The following PTPRG variants were observed in gnomAD, a reference collection of about 807,000 sequenced individuals.
PTPRG encodes the protein receptor-type tyrosine-protein phosphatase gamma.
In PTPRG, 102 loss-of-function variants were observed where a neutral mutation model predicts 165.3. That is an observed-to-expected ratio of 0.62 (90% CI 0.53 to 0.73). The LOEUF (loss-of-function observed/expected upper bound fraction) is 0.73, where lower values mean the gene tolerates loss of function less well. Among genes scored for constraint, PTPRG ranks in the 30% least tolerant of loss-of-function variants. The pLI, the probability that PTPRG is intolerant of heterozygous loss-of-function variation, is 0.00. For missense variants in PTPRG, 1,866 were observed against 1,861.4 expected (o/e 1.00, Z -0.05); for synonymous variants, 675 against 669.5 (o/e 1.01, Z -0.13).
At chr3:61,947,715 A>G (rs1250832987) in intron 2 of PTPRG, among the ~76,000 whole-genome samples, 2 of 152,190 alleles carry the variant, frequency 1.3e-5, no homozygotes, top group Admixed American at 1.3e-4. Context: ...GGCCCCTGGC[A>G]TTACTGGGCT....
At chr3:61,630,901 C>T (rs910714349) in intron 1 of PTPRG, among the ~76,000 whole-genome samples, 2 of 151,728 alleles carry the variant, frequency 1.3e-5, no homozygotes, top group African/African-American at 4.8e-5. Context: ...ACTAAAAATA[C>T]AAAAATTAGC....
At chr3:62,005,777 A>G (rs1054501204) in intron 4 of PTPRG, among the ~76,000 whole-genome samples, 5 of 127,012 alleles carry the variant, frequency 3.9e-5, no homozygotes, top group African/African-American at 1.5e-4. Context: ...ATATCAGCTC[A>G]CTGCAATCTC....
intron 26 of PTPRG, among the ~76,000 whole-genome samples, chr3:62,278,858 G>C (rs898810815): frequency 7.2e-5 from 11 of 152,028 alleles, no homozygotes; most frequent in Non-Finnish European, 4.4e-5. Context: ...TTGTTAAAAC[G>C]TTCATTTGTT....
intron 10 of PTPRG, among the ~76,000 whole-genome samples, chr3:62,199,525 A>G (rs1700047443): frequency 6.6e-6 from 1 of 152,188 alleles, no homozygotes; most frequent in Non-Finnish European, 1.5e-5. Context: ...TAAGCAAGAG[A>G]TTGAGAGCTT....
At chr3:62,253,894 T>C (rs1017031274) in intron 15 of PTPRG, among the ~76,000 whole-genome samples, 1 of 152,222 alleles carries the variant, frequency 6.6e-6, no homozygotes, top group African/African-American at 2.4e-5. Context: ...AACATTTCTA[T>C]GCTAAGCAAC....
At chr3:61,618,132 A>G (rs1426993765) in intron 1 of PTPRG, among the ~76,000 whole-genome samples, 2 of 152,218 alleles carry the variant, frequency 1.3e-5, no homozygotes, top group Non-Finnish European at 2.9e-5. Flanking sequence ...TTTTTTATGC[A>G]GAGTAAAGAT....
In PTPRG at chr3:62,073,484, A is replaced by AT. The variant is rs999167590; in HGVS notation, c.520-4667dup. The stretch of plus-strand genomic sequence containing the variant: ...GATATGATGCACGGAGAAGATATAA[A>AT]TTTTTTTTTTTTGAGACTGAGTCTC... On this transcript the variant is annotated intron_variant, in intron 4 of 29. Coordinates refer to ENST00000474889, the MANE Select transcript of PTPRG (RefSeq NM_002841.4). Among the ~76,000 whole-genome samples, 403 of 148,228 alleles carry AT rather than the reference A, an allele frequency of 2.7e-3. 2 individuals carry two copies. The highest frequency in any genetic ancestry group is 8.5e-3 in the African/African-American group (345 of 40,680).
At chr3:61,782,637 G>A (rs1320289085) in intron 2 of PTPRG, among the ~76,000 whole-genome samples, 1 of 152,230 alleles carries the variant, frequency 6.6e-6, no homozygotes, top group Admixed American at 6.5e-5. Flanking sequence ...GAGGCAGAGT[G>A]CTCTGATGAA....
intron 1 of PTPRG, among the ~76,000 whole-genome samples, chr3:61,579,460 C>A (rs1213172005): frequency 6.6e-6 from 1 of 152,246 alleles, no homozygotes; most frequent in Non-Finnish European, 1.5e-5. Context: ...TGAGCACCTA[C>A]TGTGAGCATG....
intron 28 of PTPRG, among the ~76,000 whole-genome samples, chr3:62,287,931 C>T (rs1440607949): frequency 1.3e-5 from 2 of 152,032 alleles, no homozygotes; most frequent in Non-Finnish European, 2.9e-5. Context: ...TGATTACAAC[C>T]CACTTACATT....
At chr3:61,816,957 A>C (rs1209838022) in intron 2 of PTPRG, among the ~76,000 whole-genome samples, 2 of 142,440 alleles carry the variant, frequency 1.4e-5, no homozygotes, top group Non-Finnish European at 3.0e-5. Context: ...GTAGTACCTG[A>C]GAGTTTCAGT....
intron 1 of PTPRG, among the ~76,000 whole-genome samples, chr3:61,744,008 C>T (rs948007819): frequency 6.6e-6 from 1 of 152,108 alleles, no homozygotes; most frequent in Non-Finnish European, 1.5e-5. Flanking sequence ...ATATCATTGC[C>T]ACACCGCCTT....
At chr3:61,684,991 T>C (rs1276862834) in intron 1 of PTPRG, among the ~76,000 whole-genome samples, 1 of 152,156 alleles carries the variant, frequency 6.6e-6, no homozygotes, top group Non-Finnish European at 1.5e-5. Context: ...GATGAGCCTT[T>C]GTTTCTCTCT....
rs2040153474 is a variant in PTPRG at position 61,961,561 on chromosome 3, G to C, written c.191-28064G>C. ...TAGGCACATCATTCCTCAAAGATCAGATATTCCTTGTCTGGAAGTCTTGTT... is the reference window on the plus strand; with the variant it reads ...TAGGCACATCATTCCTCAAAGATCACATATTCCTTGTCTGGAAGTCTTGTT... On this transcript the variant is annotated intron_variant, in intron 2 of 29. Transcript: ENST00000474889. 2.6e-5 allele frequency among the ~76,000 whole-genome samples: 4 copies of C among 152,162 alleles called. No homozygotes were observed. The South Asian group carries it at 8.3e-4, about 32-fold the overall frequency.
chr3:61,663,619 T>C (rs1211397090), intron 1 of PTPRG, among the ~76,000 whole-genome samples: 3 of 152,106 alleles, frequency 2.0e-5, no homozygotes, highest in African/African-American at 7.2e-5. Context: ...ATATTTCTAT[T>C]ATTACTATAT....
rs993985308 is a variant in PTPRG, at chr3:62,203,073, G to C, written c.1378-100G>C. The C allele has an allele frequency of 3.3e-6, 5 of 1,502,520 alleles. No homozygotes were observed. Among genetic ancestry groups the C allele is most frequent in the African/African-American group, 2.8e-5 (2 of 71,420 alleles). The allele number at this position is 1,502,520 out of a possible 1,614,324, so 93.1% of individuals were successfully genotyped here. Reference sequence around the variant, plus strand: ...AGCATAGATGAGTAAAATCCTCAGAGGGTGACAACCAGGGCCTCATTCCCA... The same window carrying C: ...AGCATAGATGAGTAAAATCCTCAGACGGTGACAACCAGGGCCTCATTCCCA... On this transcript the variant is annotated intron_variant, in intron 11 of 29. Coordinates refer to ENST00000474889, the MANE Select transcript of PTPRG (RefSeq NM_002841.4). This position sits in a 1 kb window ranked among gnomAD's most constrained non-coding sequence, Gnocchi z 6.4.
chr3:61,563,798 C>T (rs1171441051), intron 1 of PTPRG, among the ~76,000 whole-genome samples: 2 of 115,752 alleles, frequency 1.7e-5, no homozygotes, highest in African/African-American at 5.9e-5. Context: ...CGGGAGCCCT[C>T]GTCGCCCTTG....
chr3:62,008,252 C>T lies in PTPRG; in HGVS notation c.519+4755C>T, dbSNP rs143936123. 2.4e-4 allele frequency among the ~76,000 whole-genome samples: 37 copies of T among 152,292 alleles called. 1 individual carries two copies. In the East Asian group the frequency reaches 5.2e-3, roughly 21 times the overall value. On this transcript the variant is annotated intron_variant, in intron 4 of 29. Transcript: ENST00000474889. ...GCAAAGAGAAACCTCCAGATAAAAC[C>T]TTTGAGAACTCCATTAAAGTGGGGG...
intron 4 of PTPRG, among the ~76,000 whole-genome samples, chr3:62,007,367 C>T (rs956610850): frequency 6.6e-6 from 1 of 152,178 alleles, no homozygotes; most frequent in African/African-American, 2.4e-5. Context: ...CAAAGAAAGC[C>T]CTTGTACAAA....
Sources: gnomAD v4.1 joint callset for allele counts (sites outside exome capture counted in the v4.1 genomes callset) on GRCh38, gnomAD v4.1.1 for gene constraint, Gnocchi (gnomAD v3.1) non-coding constraint, MANE v1.5 for transcripts, NCBI Gene and HGNC (gene_info 2026-07-23, HGNC 2026-07-21) for gene names.